Variants in FSHR observed in about 807,000 individuals in gnomAD.
FSHR encodes follicle stimulating hormone receptor.
A neutral mutation model predicts 52.1 loss-of-function variants in FSHR; 46 were observed. The observed-to-expected ratio is 0.88, with a 90% CI of 0.70 to 1.13. The LOEUF is 1.13. Among genes scored for constraint, FSHR ranks in the 50% most tolerant of loss-of-function variants. The probability of loss-of-function intolerance (pLI) is 0.00; values close to 1 mark genes in which losing one functional copy is unlikely to be tolerated. For missense variants in FSHR, 964 were observed against 834.6 expected (o/e 1.16, Z -1.91); for synonymous variants, 399 against 309.6 (o/e 1.29, Z -3.03).
intron 8 of FSHR, among the ~76,000 whole-genome samples, chr2:48,980,092 C>T (rs878895381): frequency 2.0e-5 from 3 of 152,116 alleles, no homozygotes; most frequent in Admixed American, 2.0e-4. Context: ...GCTTGAAGAA[C>T]ATCTATGGAC....
At chr2:49,014,967 T>C (rs1003755772) in intron 4 of FSHR, 7 of 457,704 alleles carry the variant, frequency 1.5e-5, no homozygotes, top group African/African-American at 6.1e-5. Flanking sequence ...AGAGATAGAG[T>C]TGGGAGAAAG....
At chr2:49,144,236 A>T (rs761172577) in intron 1 of FSHR, among the ~76,000 whole-genome samples, 1 of 152,138 alleles carries the variant, frequency 6.6e-6, no homozygotes, top group South Asian at 2.1e-4. Context: ...TGATGCAGCA[A>T]TTCCCCAACA....
chr2:49,046,141 G>A (rs1045698515), intron 2 of FSHR, among the ~76,000 whole-genome samples: 1 of 152,172 alleles, frequency 6.6e-6, no homozygotes, highest in Non-Finnish European at 1.5e-5. Context: ...TTAAAGGTTG[G>A]TGTGGGAGAT....
At chr2:49,093,107 G>A (rs1360107321) in intron 1 of FSHR, among the ~76,000 whole-genome samples, 1 of 152,174 alleles carries the variant, frequency 6.6e-6, no homozygotes, top group African/African-American at 2.4e-5. Flanking sequence ...ATTCATGAAG[G>A]AATATTTGTC....
At chr2:49,119,939 AG>A (rs1671748714) in intron 1 of FSHR, among the ~76,000 whole-genome samples, 1 of 152,206 alleles carries the variant, frequency 6.6e-6, no homozygotes, top group South Asian at 2.1e-4. Context: ...AGCAAGTGGC[AG>A]TGGCAGGCAC....
At chr2:48,985,555 T>C (rs1675463516) in intron 6 of FSHR, among the ~76,000 whole-genome samples, 1 of 152,142 alleles carries the variant, frequency 6.6e-6, no homozygotes, top group African/African-American at 2.4e-5. Context: ...CTCTACACAG[T>C]GGGTTTTTAT....
intron 8 of FSHR, among the ~76,000 whole-genome samples, chr2:48,981,092 G>A (rs551010960): frequency 1.6e-3 from 238 of 152,272 alleles, no homozygotes; most frequent in African/African-American, 5.5e-3. Context: ...TGTCTCCCGA[G>A]TACTCTAAGA....
chr2:49,034,947 C>A (rs1301564557), intron 2 of FSHR, among the ~76,000 whole-genome samples: 1 of 152,172 alleles, frequency 6.6e-6, no homozygotes, highest in East Asian at 1.9e-4. Context: ...GATAAGCCAG[C>A]AAAGGTGTTT....
chr2:49,038,417 C>G (rs981805299), intron 2 of FSHR, among the ~76,000 whole-genome samples: 4 of 151,674 alleles, frequency 2.6e-5, no homozygotes, highest in African/African-American at 4.8e-5. Context: ...GTCAGGAGAT[C>G]GAGACCATCC....
At chr2:48,981,952 A>G (rs1222847140) in intron 8 of FSHR, among the ~76,000 whole-genome samples, 2 of 152,240 alleles carry the variant, frequency 1.3e-5, no homozygotes, top group Non-Finnish European at 2.9e-5. Context: ...CTGTAGATTT[A>G]TTAACATGTT....
Position 48,962,450 on chromosome 2 carries a change from T to C in FSHR, c.*283A>G, listed in dbSNP as rs1358152466. The C allele has an allele frequency of 5.1e-6, 2 of 393,686 alleles. No homozygotes were observed. Among genetic ancestry groups the C allele is most frequent in the Non-Finnish European group, 9.5e-6 (2 of 211,512 alleles). The allele number at this position is 393,686 out of a possible 1,614,324, so 24.4% of individuals were successfully genotyped here. A position where few individuals can be genotyped will look rare whatever the true frequency, so the allele number is the denominator to read the frequency against. On this transcript the variant is annotated 3_prime_UTR_variant, in exon 10 of 10. Coordinates refer to ENST00000406846, the MANE Select transcript of FSHR (RefSeq NM_000145.4). ...TATTTAACAGGGATCACTTGAGATA[T>C]CTGAACAAAAGCACTTTGAACATAA... is the stretch of plus-strand genomic sequence containing the variant.
rs957043135 is a variant in FSHR at position 48,978,618 on chromosome 2, T to TA, written c.668+4293dup. The stretch of plus-strand genomic sequence containing the variant: ...AAGAAACAGCAATTGTTCGATTGCT[T>TA]AAAAAAAAACAACCTTGAGTGAGTT... On this transcript the variant is annotated intron_variant, in intron 8 of 9. Transcript: ENST00000406846. Among the ~76,000 whole-genome samples, 39 of 151,546 alleles carry TA rather than the reference T, an allele frequency of 2.6e-4. 1 individual carries two copies. The highest frequency in any genetic ancestry group is 8.4e-4 in the South Asian group (4 of 4,774).
chr2:49,131,980 T>A (rs139058312), intron 1 of FSHR, among the ~76,000 whole-genome samples: 1 of 152,220 alleles, frequency 6.6e-6, no homozygotes. Context: ...CATCCTATCC[T>A]TATGTTATCA....
intron 1 of FSHR, among the ~76,000 whole-genome samples, chr2:49,123,724 G>C (rs561476604): frequency 1.3e-4 from 20 of 152,260 alleles, no homozygotes; most frequent in Middle Eastern, 6.8e-3. Flanking sequence ...CTTCCATTCA[G>C]TGTTTCTCCC....
At chr2:49,049,073 A>G (rs953353955) in intron 2 of FSHR, among the ~76,000 whole-genome samples, 6 of 152,196 alleles carry the variant, frequency 3.9e-5, no homozygotes, top group Non-Finnish European at 8.8e-5. Context: ...TATTAAAAAA[A>G]AAAGCTAGAA....
intron 4 of FSHR, among the ~76,000 whole-genome samples, chr2:48,991,987 A>G (rs977263942): frequency 3.5e-4 from 51 of 145,044 alleles, no homozygotes; most frequent in African/African-American, 1.2e-3. Context: ...AAGTGAATGC[A>G]GTCTATGGGT....
At chr2:49,107,628 C>A (rs957535394) in intron 1 of FSHR, among the ~76,000 whole-genome samples, 1 of 152,068 alleles carries the variant, frequency 6.6e-6, no homozygotes, top group Non-Finnish European at 1.5e-5. Flanking sequence ...TATTAATAGC[C>A]ATTACCTTTT....
At chr2:49,054,534 A>T (rs1253923420) in intron 2 of FSHR, among the ~76,000 whole-genome samples, 2 of 152,172 alleles carry the variant, frequency 1.3e-5, no homozygotes, top group Non-Finnish European at 1.5e-5. Flanking sequence ...CCTGAGAGAT[A>T]GCCCCAGGTA....
intron 2 of FSHR, among the ~76,000 whole-genome samples, chr2:49,035,404 C>A (rs1038592804): frequency 6.6e-6 from 1 of 152,206 alleles, no homozygotes; most frequent in African/African-American, 2.4e-5. Context: ...CATGCCCATC[C>A]AAGGGGCAAA....
Sources: gnomAD v4.1 joint callset for allele counts (sites outside exome capture counted in the v4.1 genomes callset) on GRCh38, gnomAD v4.1.1 for gene constraint, MANE v1.5 for transcripts, NCBI Gene and HGNC (gene_info 2026-07-23, HGNC 2026-07-21) for gene names.